OTOA: variants seen among roughly 807,000 people sequenced by gnomAD.
OTOA encodes cancer/testis antigen 108.
OTOA carries 70 observed loss-of-function variants against 110.8 expected under a neutral mutation model. That is an observed-to-expected ratio of 0.63 (90% CI 0.52 to 0.77). The LOEUF (loss-of-function observed/expected upper bound fraction) is 0.77. Among genes scored for constraint, OTOA ranks in the 30% least tolerant of loss-of-function variants. The pLI, the probability that OTOA is intolerant of heterozygous loss-of-function variation, is 0.00. For synonymous variants in OTOA, 373 were observed against 431.5 expected, an observed-to-expected ratio of 0.86 and a Z score of 1.68; for missense variants, 917 against 1,075.8, an observed-to-expected ratio of 0.85 and a Z score of 2.06.
At chr16:21,724,981 A>G (rs1567392584) in intron 18 of OTOA, among the ~76,000 whole-genome samples, 1 of 151,848 alleles carries the variant, frequency 6.6e-6, no homozygotes. Flanking sequence ...TTTCACCGTG[A>G]TGGCCAGGCT....
Position 21,663,979 on chromosome 16 carries a change from G to A in OTOA, c.-258G>A, listed in dbSNP as rs1345094304. 3.3e-5 allele frequency: 5 copies of A among 152,374 alleles called. No individual in the cohort carries two copies. The South Asian group carries it at 1.0e-3, about 32-fold the overall frequency. 9.4% of individuals were successfully genotyped at this position (152,374 alleles called of 1,614,324 possible). A position where few individuals can be genotyped will look rare whatever the true frequency, so the allele number is the denominator to read the frequency against. On this transcript the variant is annotated 5_prime_UTR_variant, in exon 1 of 29. Transcript: ENST00000646100. ...CTCGCTTCCTAGCTGCCGCCCCGAA[G>A]AGTGGCTGGGGAGCAGGCATTTGTG...
At position 21,686,961 on chromosome 16, in the gene OTOA, G is replaced by A. The variant is rs778660840; in HGVS notation, c.400-452G>A. Among the ~76,000 whole-genome samples the A allele has an allele frequency of 8.5e-4, 129 of 152,258 alleles. 1 individual carries two copies. The highest frequency in any genetic ancestry group is 2.2e-3 in the Admixed American group (34 of 15,290). On this transcript the variant is annotated intron_variant, in intron 7 of 28. Transcript: ENST00000646100. ...ATGTGCACCCAGAGATGAGAACCAC[G>A]GGCTTGGAGGAAAGACGCATGAGTC...
At chr16:21,673,392 T>C (rs776563498) in intron 1 of OTOA, among the ~76,000 whole-genome samples, 7 of 152,180 alleles carry the variant, frequency 4.6e-5, no homozygotes, top group Non-Finnish European at 7.3e-5. Context: ...TGTAGACTAA[T>C]GTATCAGCTA....
At chr16:21,704,757 G>A (rs922053701) in intron 11 of OTOA, among the ~76,000 whole-genome samples, 1 of 152,172 alleles carries the variant, frequency 6.6e-6, no homozygotes, top group Non-Finnish European at 1.5e-5. Context: ...CAAGGAGACA[G>A]AAGACAGTGC....
chr16:21,695,892 T>TA (rs377002847), intron 9 of OTOA, among the ~76,000 whole-genome samples: 1,086 of 20,092 alleles, frequency 0.054, 2 homozygotes, highest in South Asian at 0.11. Flanking sequence ...TATATATATA[T>TA]TTTTTTTTTT....
intron 15 of OTOA, among the ~76,000 whole-genome samples, chr16:21,718,124 A>G (rs896112413): frequency 2.6e-5 from 4 of 151,950 alleles, no homozygotes; most frequent in Non-Finnish European, 5.9e-5. Context: ...TGCCCGGCTA[A>G]TTTTTGTATT....
chr16:21,674,420 G>A (rs975438360), intron 1 of OTOA, among the ~76,000 whole-genome samples: 3 of 151,628 alleles, frequency 2.0e-5, no homozygotes, highest in African/African-American at 4.9e-5. Flanking sequence ...TGCAACCTCC[G>A]CCTCCTCGGT....
intron 20 of OTOA, among the ~76,000 whole-genome samples, chr16:21,728,823 G>A (rs893030611): frequency 3.9e-5 from 6 of 151,924 alleles, no homozygotes; most frequent in African/African-American, 1.2e-4. Flanking sequence ...TCCTGACCTC[G>A]TAATCCACCC....
chr16:21,711,833 A>G (rs1163316852), intron 13 of OTOA, among the ~76,000 whole-genome samples: 1 of 152,152 alleles, frequency 6.6e-6, no homozygotes, highest in Non-Finnish European at 1.5e-5. Context: ...GCTCACAAGG[A>G]TTGGATTAGG....
intron 1 of OTOA, among the ~76,000 whole-genome samples, chr16:21,674,086 C>T (rs1157720387): frequency 6.6e-6 from 1 of 152,142 alleles, no homozygotes; most frequent in Non-Finnish European, 1.5e-5. Context: ...CGTGAGCCAC[C>T]ATGCCCAGCC....
At chr16:21,710,183 A>G (rs1898314330) in intron 13 of OTOA, 80 bp downstream of exon 13, 1 of 1,329,442 alleles carries the variant, frequency 7.5e-7, no homozygotes, top group Admixed American at 2.0e-5. Context: ...CCATAAAAAT[A>G]TACTGTAGAT....
chr16:21,714,249 TTTTTTC>T (rs1157730570), intron 13 of OTOA, among the ~76,000 whole-genome samples: 5 of 73,706 alleles, frequency 6.8e-5, no homozygotes, highest in African/African-American at 1.9e-4. Context: ...CCTTTCTTTC[TTTTTTC>T]TTTCTTTCTT....
At chr16:21,704,631 G>A (rs1898117971) in intron 11 of OTOA, among the ~76,000 whole-genome samples, 1 of 152,122 alleles carries the variant, frequency 6.6e-6, no homozygotes, top group Non-Finnish European at 1.5e-5. Flanking sequence ...GTGTCCACCA[G>A]CTCTCAGCGC....
At position 21,753,017 on chromosome 16, in the gene OTOA, T is replaced by A. The variant is rs1272324655; in HGVS notation, c.3056-10T>A. The stretch of plus-strand genomic sequence containing the variant: ...TGAACTAAACCCCCGTGATTCCTTT[T>A]TCTCCCCAGCTGGATTAACTAAGGC... On this transcript the variant is annotated splice_polypyrimidine_tract_variant and intron_variant, in intron 26 of 28. Coordinates refer to ENST00000646100, the MANE Select transcript of OTOA (RefSeq NM_144672.4). 1 of 730,312 alleles carries A rather than the reference T, an allele frequency of 1.4e-6. No individual in the cohort carries two copies. The highest frequency in any genetic ancestry group is 1.8e-5 in the African/African-American group (1 of 55,152). The allele number at this position is 730,312 out of a possible 1,614,324, so 45.2% of individuals were successfully genotyped here. A position where few individuals can be genotyped will look rare whatever the true frequency, so the allele number is the denominator to read the frequency against.
At chr16:21,681,973 C>G (rs1242047787) in intron 6 of OTOA, 148 bp downstream of exon 6, 18 of 732,214 alleles carry the variant, frequency 2.5e-5, no homozygotes, top group Non-Finnish European at 4.0e-5. Flanking sequence ...TTTCTTGAAA[C>G]ATGATATAAG....
intron 7 of OTOA, among the ~76,000 whole-genome samples, chr16:21,686,240 G>A (rs966342164): frequency 7.3e-5 from 11 of 151,684 alleles, no homozygotes; most frequent in African/African-American, 2.4e-4. Context: ...CAGATGATGC[G>A]TTTGCTCCAA....
intron 12 of OTOA, among the ~76,000 whole-genome samples, chr16:21,705,830 T>A (rs1257501978): frequency 1.3e-5 from 2 of 151,880 alleles, no homozygotes; most frequent in African/African-American, 2.4e-5. Context: ...TCCCAGCTAC[T>A]CAGGAGGCTG....
At chr16:21,690,978 C>G (rs1301208563) in intron 8 of OTOA, among the ~76,000 whole-genome samples, 1 of 147,342 alleles carries the variant, frequency 6.8e-6, no homozygotes, top group Admixed American at 6.8e-5. Context: ...CCCCCACCCC[C>G]CAACAGGCCC....
intron 17 of OTOA, among the ~76,000 whole-genome samples, chr16:21,722,275 A>C (rs1196405874): frequency 1.3e-4 from 19 of 150,332 alleles, no homozygotes; most frequent in Non-Finnish European, 8.9e-5. Flanking sequence ...AAAAACAAAA[A>C]AAAAAAACAC....
Sources: gnomAD v4.1 joint callset for allele counts (sites outside exome capture counted in the v4.1 genomes callset) on GRCh38, gnomAD v4.1.1 for gene constraint, MANE v1.5 for transcripts, NCBI Gene and HGNC (gene_info 2026-07-23, HGNC 2026-07-21) for gene names.